Variants in ANO2 observed in about 807,000 individuals in gnomAD.
ANO2 encodes anoctamin 2.
A neutral mutation model predicts 124.2 loss-of-function variants in ANO2; 101 were observed. The ratio of observed to expected loss-of-function variants is 0.81; its 90% CI spans 0.69 to 0.96. ANO2 has a LOEUF of 0.96. Ranked by LOEUF, ANO2 falls within the 40% of genes least tolerant of loss-of-function variation. ANO2 has a pLI of 0.00. For missense variants in ANO2, 1,293 were observed against 1,274.5 expected (o/e 1.01, Z -0.22); for synonymous variants, 486 against 482.5 (o/e 1.01, Z -0.09).
intron 15 of ANO2, among the ~76,000 whole-genome samples, chr12:5,641,658 C>T (rs1380994401): frequency 6.6e-6 from 1 of 152,208 alleles, no homozygotes; most frequent in Non-Finnish European, 1.5e-5. Flanking sequence ...CCAGCTCCTG[C>T]CCACATGGTT....
In ANO2 at chr12:5,576,019, A is replaced by T. The variant is rs1480714266; in HGVS notation, c.2440-4T>A. 5 of 1,600,122 alleles carry T rather than the reference A, an allele frequency of 3.1e-6. No individual in the cohort carries two copies. In the African/African-American group the frequency reaches 6.7e-5, roughly 21 times the overall value. On this transcript the variant is annotated splice_region_variant and splice_polypyrimidine_tract_variant and intron_variant, in intron 22 of 24. Coordinates refer to ENST00000682330, the MANE Select transcript of ANO2 (RefSeq NM_001364791.2). ...AGGTGATCGCAATGACAAAAGCCTGAGGGACAGAACCATAAGCACTGAGTA... is the reference window on the plus strand; with the variant it reads ...AGGTGATCGCAATGACAAAAGCCTGTGGGACAGAACCATAAGCACTGAGTA...
chr12:5,715,650 C>T (rs1949997722), intron 14 of ANO2, among the ~76,000 whole-genome samples: 1 of 152,202 alleles, frequency 6.6e-6, no homozygotes, highest in African/African-American at 2.4e-5. Context: ...ATTAAGTGAC[C>T]TGACTTCACT....
intron 1 of ANO2, among the ~76,000 whole-genome samples, chr12:5,926,527 A>C (rs1037374777): frequency 1.3e-5 from 2 of 151,780 alleles, no homozygotes; most frequent in African/African-American, 4.8e-5. Flanking sequence ...CTAGCACACC[A>C]GCTCCCCAGC....
chr12:5,668,413 A>G (rs1011458101), intron 14 of ANO2, among the ~76,000 whole-genome samples: 8 of 151,066 alleles, frequency 5.3e-5, no homozygotes, highest in Non-Finnish European at 1.0e-4. Context: ...TTTCTTATAA[A>G]CTTGTTTAAG....
rs531683802 is a variant in ANO2, at chr12:5,692,133, G to A, written c.1545+40387C>T. On this transcript the variant is annotated intron_variant, in intron 14 of 24. Transcript: ENST00000682330. ...GAGGCTCCAGATACAGCAGGCAGGC[G>A]GATGATGCAATACCCCTGGCAAGAA... Among the ~76,000 whole-genome samples the A allele has an allele frequency of 1.4e-4, 21 of 152,270 alleles. No homozygotes were observed. In the East Asian group the frequency reaches 2.5e-3, roughly 18 times the overall value.
intron 10 of ANO2, among the ~76,000 whole-genome samples, chr12:5,781,829 T>C (rs1952406369): frequency 6.6e-6 from 1 of 152,248 alleles, no homozygotes; most frequent in Non-Finnish European, 1.5e-5. Flanking sequence ...TGCTGTATGA[T>C]CTCAATTCTT....
Position 5,619,269 on chromosome 12 carries a change from G to A in ANO2, c.1817-3972C>T, listed in dbSNP as rs150267219. On this transcript the variant is annotated intron_variant, in intron 16 of 24. Coordinates refer to ENST00000682330, the MANE Select transcript of ANO2 (RefSeq NM_001364791.2). Reference sequence around the variant, plus strand: ...ATTACTTTGCCGAGCATCTTCAACCGCATAATGCATTGTTTAGGAAATACC... The same window carrying A: ...ATTACTTTGCCGAGCATCTTCAACCACATAATGCATTGTTTAGGAAATACC... Among the ~76,000 whole-genome samples, 456 of 152,242 alleles carry A rather than the reference G, an allele frequency of 3.0e-3. 1 individual carries two copies. Among genetic ancestry groups the A allele is most frequent in the African/African-American group, 0.01 (435 of 41,536 alleles).
intron 6 of ANO2, among the ~76,000 whole-genome samples, chr12:5,828,223 G>A (rs1426734821): frequency 2.0e-5 from 3 of 152,138 alleles, no homozygotes; most frequent in African/African-American, 7.2e-5. Context: ...GAACCTCAGG[G>A]AAGGCGGGGT....
intron 13 of ANO2, 125 bp downstream of exon 13, chr12:5,739,192 C>T: frequency 3.2e-6 from 3 of 926,726 alleles, no homozygotes; most frequent in South Asian, 2.8e-5. Context: ...ACACAGGCAG[C>T]CACTGTGAGA....
chr12:5,774,303 A>C (rs145305721), intron 10 of ANO2, among the ~76,000 whole-genome samples: 25 of 152,038 alleles, frequency 1.6e-4, no homozygotes, highest in East Asian at 1.4e-3. Context: ...ACAACAACAA[A>C]AAAATCCATA....
intron 23 of ANO2, among the ~76,000 whole-genome samples, chr12:5,566,719 T>C (rs1186433319): frequency 1.3e-5 from 2 of 152,202 alleles, no homozygotes; most frequent in Admixed American, 6.5e-5. Context: ...GCAGGCATTG[T>C]TACCCCAGCA....
At chr12:5,909,987 A>G (rs1940947827) in intron 3 of ANO2, among the ~76,000 whole-genome samples, 3 of 152,254 alleles carry the variant, frequency 2.0e-5, no homozygotes, top group Admixed American at 1.3e-4. Context: ...GACTAAATGT[A>G]TAGAAACAGA....
intron 10 of ANO2, among the ~76,000 whole-genome samples, chr12:5,798,466 G>A (rs1317436430): frequency 6.6e-6 from 1 of 152,066 alleles, no homozygotes; most frequent in Admixed American, 6.6e-5. Flanking sequence ...CCTCCCTCTA[G>A]ACTCGATTCT....
intron 4 of ANO2, among the ~76,000 whole-genome samples, chr12:5,841,175 T>C (rs1954501633): frequency 6.6e-6 from 1 of 152,210 alleles, no homozygotes; most frequent in Non-Finnish European, 1.5e-5. Flanking sequence ...TGCTGCACAT[T>C]CACGCATGCA....
intron 3 of ANO2, among the ~76,000 whole-genome samples, chr12:5,912,974 C>T (rs1377669452): frequency 6.6e-6 from 1 of 152,156 alleles, no homozygotes; most frequent in Non-Finnish European, 1.5e-5. Context: ...CCTAGGAACA[C>T]AAGCAACCAT....
intron 7 of ANO2, among the ~76,000 whole-genome samples, chr12:5,807,847 G>C (rs978586449): frequency 3.3e-5 from 5 of 152,220 alleles, no homozygotes; most frequent in African/African-American, 9.7e-5. Context: ...GAGGTGGGCA[G>C]GAAGCAACAG....
chr12:5,846,102 T>C (rs1954678844), intron 4 of ANO2, among the ~76,000 whole-genome samples: 1 of 152,224 alleles, frequency 6.6e-6, no homozygotes, highest in Non-Finnish European at 1.5e-5. Flanking sequence ...CTAATATCCT[T>C]CTTTGCAGAC....
chr12:5,873,196 G>GCTCT (rs57038931), intron 3 of ANO2, among the ~76,000 whole-genome samples: 4,164 of 118,596 alleles, frequency 0.035, 199 homozygotes, highest in Middle Eastern at 0.067. Context: ...GCCTAAAGCA[G>GCTCT]CTCTCTCTCT....
At chr12:5,639,507 G>A (rs758330727) in intron 15 of ANO2, among the ~76,000 whole-genome samples, 47 of 152,178 alleles carry the variant, frequency 3.1e-4, no homozygotes, top group African/African-American at 8.2e-4. Context: ...GAGAAATACC[G>A]TGGAGACAAA....
Sources: gnomAD v4.1 joint callset for allele counts (sites outside exome capture counted in the v4.1 genomes callset) on GRCh38, gnomAD v4.1.1 for gene constraint, MANE v1.5 for transcripts, NCBI Gene and HGNC (gene_info 2026-07-23, HGNC 2026-07-21) for gene names.